The following CNTN5 variants were observed in gnomAD, a reference collection of about 807,000 sequenced individuals.
The protein encoded by CNTN5 is contactin-5.
Under a neutral mutation model 129.1 loss-of-function variants are expected in CNTN5, and 77 were observed. The observed-to-expected ratio is 0.60, with a 90% CI of 0.50 to 0.72. CNTN5 has a LOEUF of 0.72. Ranked by LOEUF, CNTN5 falls within the 30% of genes least tolerant of loss-of-function variation. The pLI is 0.00. For missense variants in CNTN5, 1,478 were observed against 1,328.8 expected (o/e 1.11, Z -1.75); for synonymous variants, 509 against 465.6 (o/e 1.09, Z -1.20).
At chr11:99,543,747 A>T (rs1948189231) in intron 2 of CNTN5, among the ~76,000 whole-genome samples, 2 of 151,974 alleles carry the variant, frequency 1.3e-5, no homozygotes, top group South Asian at 4.1e-4. Flanking sequence ...GTGAAACCCC[A>T]TCTCTACTGA....
intron 1 of CNTN5, among the ~76,000 whole-genome samples, chr11:99,305,632 C>G (rs1864839408): frequency 6.6e-6 from 1 of 152,020 alleles, no homozygotes; most frequent in African/African-American, 2.4e-5. Flanking sequence ...TCAGAATTGC[C>G]ATTTTAGCAT....
intron 1 of CNTN5, among the ~76,000 whole-genome samples, chr11:99,198,606 T>C (rs1190893555): frequency 6.6e-6 from 1 of 152,158 alleles, no homozygotes; most frequent in Non-Finnish European, 1.5e-5. Context: ...ATTTCAACTT[T>C]TAATCACAAA....
chr11:100,143,088 A>C (rs1946744854), intron 13 of CNTN5, among the ~76,000 whole-genome samples: 1 of 152,192 alleles, frequency 6.6e-6, no homozygotes, highest in Admixed American at 6.6e-5. Flanking sequence ...ATCTGAAAAA[A>C]TTCAAAATCT....
rs149282020 is a variant in CNTN5 at position 99,151,769 on chromosome 11, C to T, written c.-210+130499C>T. On this transcript the variant is annotated intron_variant, in intron 1 of 24. Coordinates refer to ENST00000524871, the MANE Select transcript of CNTN5 (RefSeq NM_014361.4). ...TCCTTTGCAGGGACATGGATGAAGC[C>T]GGAAACCATCATTCTCAGCAAACTA... 2.3e-3 allele frequency among the ~76,000 whole-genome samples: 352 copies of T among 152,024 alleles called. 3 individuals are homozygous for T. Among genetic ancestry groups the T allele is most frequent in the African/African-American group, 7.7e-3 (318 of 41,474 alleles).
At chr11:99,363,922 C>A (rs1026558286) in intron 2 of CNTN5, among the ~76,000 whole-genome samples, 3 of 152,110 alleles carry the variant, frequency 2.0e-5, no homozygotes, top group Admixed American at 6.6e-5. Context: ...AACAAAAATT[C>A]TCTTTCCCTC....
intron 2 of CNTN5, among the ~76,000 whole-genome samples, chr11:99,458,319 C>T (rs1376235174): frequency 6.6e-6 from 1 of 151,774 alleles, no homozygotes; most frequent in Non-Finnish European, 1.5e-5. Flanking sequence ...TTTTTGAAAT[C>T]CTTCAGTGTT....
At chr11:100,222,528 A>C (rs531626705) in intron 15 of CNTN5, among the ~76,000 whole-genome samples, 2 of 152,262 alleles carry the variant, frequency 1.3e-5, no homozygotes, top group East Asian at 3.9e-4. Flanking sequence ...ACTATCAGTT[A>C]TTAATTACAG....
intron 1 of CNTN5, among the ~76,000 whole-genome samples, chr11:99,117,844 G>T (rs890180139): frequency 2.0e-5 from 3 of 152,108 alleles, no homozygotes; most frequent in African/African-American, 7.2e-5. Flanking sequence ...CCCTCTTCAG[G>T]AATCAAATCT....
intron 6 of CNTN5, among the ~76,000 whole-genome samples, chr11:99,863,417 T>A (rs1273325495): frequency 6.6e-6 from 1 of 151,992 alleles, no homozygotes; most frequent in East Asian, 1.9e-4. Context: ...GGAGCAACAT[T>A]TGTCAATTAA....
intron 8 of CNTN5, among the ~76,000 whole-genome samples, chr11:99,959,019 T>C (rs1230362485): frequency 6.6e-6 from 1 of 152,170 alleles, no homozygotes; most frequent in East Asian, 1.9e-4. Context: ...ATATCACTTA[T>C]CTTTACGTTC....
chr11:99,110,875 G>A (rs1392419877), intron 1 of CNTN5, among the ~76,000 whole-genome samples: 1 of 152,114 alleles, frequency 6.6e-6, no homozygotes, highest in East Asian at 1.9e-4. Flanking sequence ...GATAGAAATA[G>A]ATCCATCATT....
chr11:99,209,116 C>T (rs1859634579), intron 1 of CNTN5, among the ~76,000 whole-genome samples: 1 of 151,916 alleles, frequency 6.6e-6, no homozygotes, highest in South Asian at 2.1e-4. Context: ...CTACAGTGTA[C>T]ATTCAGTGCA....
intron 2 of CNTN5, among the ~76,000 whole-genome samples, chr11:99,465,119 T>C (rs1466160286): frequency 6.6e-6 from 1 of 152,178 alleles, no homozygotes; most frequent in African/African-American, 2.4e-5. Flanking sequence ...GGAAGACAAA[T>C]AATGCTTTTG....
intron 2 of CNTN5, among the ~76,000 whole-genome samples, chr11:99,408,076 A>G (rs1412562331): frequency 2.0e-5 from 3 of 152,056 alleles, no homozygotes; most frequent in African/African-American, 4.8e-5. Context: ...TTTTCTGTAG[A>G]TAGTCATTAA....
chr11:99,670,707 G>T (rs930181696), intron 3 of CNTN5, among the ~76,000 whole-genome samples: 6 of 152,110 alleles, frequency 3.9e-5, no homozygotes, highest in African/African-American at 1.4e-4. Flanking sequence ...AAGATCTGGG[G>T]TGTGGGGGGA....
At chr11:99,590,178 G>A (rs937178815) in intron 3 of CNTN5, among the ~76,000 whole-genome samples, 3 of 152,028 alleles carry the variant, frequency 2.0e-5, no homozygotes, top group African/African-American at 7.2e-5. Context: ...AAAGAGGACA[G>A]CAATGATTAT....
intron 1 of CNTN5, among the ~76,000 whole-genome samples, chr11:99,105,865 G>A (rs909888652): frequency 6.6e-6 from 1 of 152,046 alleles, no homozygotes; most frequent in Non-Finnish European, 1.5e-5. Flanking sequence ...AAGTTAACTT[G>A]GAGTGTGCTA....
At chr11:99,822,791 T>A (rs1946841052) in intron 4 of CNTN5, among the ~76,000 whole-genome samples, 1 of 152,264 alleles carries the variant, frequency 6.6e-6, no homozygotes, top group Non-Finnish European at 1.5e-5. Context: ...TCTCACTTTA[T>A]CTGTTGGCTA....
chr11:99,143,456 G>A (rs1859628503), intron 1 of CNTN5, among the ~76,000 whole-genome samples: 1 of 150,206 alleles, frequency 6.7e-6, no homozygotes, highest in Admixed American at 6.7e-5. Flanking sequence ...TCAACAAATT[G>A]ACTGAACCAA....
Sources: gnomAD v4.1 joint callset for allele counts (sites outside exome capture counted in the v4.1 genomes callset) on GRCh38, gnomAD v4.1.1 for gene constraint, MANE v1.5 for transcripts, NCBI Gene and HGNC (gene_info 2026-07-23, HGNC 2026-07-21) for gene names.